The following ACTR8 variants were observed in gnomAD, a reference collection of about 807,000 sequenced individuals.
ACTR8 encodes the protein actin related protein 8.
In ACTR8, 70 loss-of-function variants were observed where a neutral mutation model predicts 84.3. The ratio of observed to expected loss-of-function variants is 0.83; its 90% CI spans 0.68 to 1.01. The LOEUF (loss-of-function observed/expected upper bound fraction) is 1.01, where lower values mean the gene tolerates loss of function less well. Ranked by LOEUF, ACTR8 falls within the 50% of genes least tolerant of loss-of-function variation. The probability of loss-of-function intolerance (pLI) is 0.00; values close to 1 mark genes in which losing one functional copy is unlikely to be tolerated. For missense variants in ACTR8, 672 were observed against 775.4 expected (o/e 0.87, Z 1.58); for synonymous variants, 268 against 275.2 (o/e 0.97, Z 0.26).
the ACTR8 span, chr3:53,860,243 T>G: frequency 6.3e-7 from 1 of 1,580,570 alleles, no homozygotes; most frequent in Non-Finnish European, 8.6e-7. Flanking sequence ...GGGTTATAAT[T>G]CTTTAAAGAC....
downstream of ACTR8, among the ~76,000 whole-genome samples, chr3:53,863,591 G>C (rs1488642052): frequency 6.6e-6 from 1 of 152,140 alleles, no homozygotes; most frequent in Non-Finnish European, 1.5e-5. Context: ...TTTCAAACAT[G>C]GTTTGTTTTA....
intron 5 of ACTR8, 98 bp from the exon 6 acceptor site, chr3:53,876,811 G>T: frequency 3.3e-6 from 2 of 615,036 alleles, no homozygotes; most frequent in South Asian, 4.4e-5. Flanking sequence ...AGGAGTAGCA[G>T]CTACGGTTAC....
At chr3:53,876,520 A>G (rs969780739) in intron 6 of ACTR8, 100 bp downstream of exon 6, 32 of 668,956 alleles carry the variant, frequency 4.8e-5, no homozygotes, top group Admixed American at 9.8e-5. Context: ...CTCTGTCTCA[A>G]ATAAATAAAT....
At chr3:53,860,206 G>GAACT in the ACTR8 span, 1 of 1,613,570 alleles carries the variant, frequency 6.2e-7, no homozygotes, top group Non-Finnish European at 8.5e-7. Context: ...TGGTGGCAGG[G>GAACT]ATCTATCTAA....
At chr3:53,872,292 A>G (rs771598393) in intron 10 of ACTR8, 92 bp downstream of exon 10, 1 of 1,341,234 alleles carries the variant, frequency 7.5e-7, no homozygotes, top group Non-Finnish European at 9.9e-7. Context: ...TTATGCTGGA[A>G]GATAGAACTG....
the ACTR8 span, chr3:53,860,324 C>T: frequency 1.2e-5 from 12 of 961,056 alleles, no homozygotes; most frequent in Admixed American, 1.3e-4. Flanking sequence ...CACATGTTGG[C>T]GTTTCCCAGA....
Position 53,868,881 on chromosome 3 carries a change from C to T in ACTR8, c.1732-19G>A. 2 of 1,611,132 alleles carry T rather than the reference C, an allele frequency of 1.2e-6. No individual in the cohort carries two copies. The highest frequency in any genetic ancestry group is 2.2e-5 in the South Asian group (2 of 90,530). On this transcript the variant is annotated intron_variant, in intron 12 of 12. Coordinates refer to ENST00000335754, the MANE Select transcript of ACTR8 (RefSeq NM_022899.5). ...CCATGTCCTACAGAAGGGATGAAGG[C>T]ATTTCAGCCTAATCACATAAGACAT...
intron 1 of ACTR8, among the ~76,000 whole-genome samples, chr3:53,880,324 C>A (rs1312087232): frequency 6.6e-6 from 1 of 152,152 alleles, no homozygotes; most frequent in African/African-American, 2.4e-5. Flanking sequence ...GTACATAGCT[C>A]AACAAATATT....
downstream of ACTR8, chr3:53,865,033 G>A (rs767317623): frequency 4.8e-5 from 78 of 1,614,092 alleles, no homozygotes; most frequent in South Asian, 1.3e-4. Flanking sequence ...TGGCAAGAGC[G>A]AGGGCAGTCC....
Position 53,875,938 on chromosome 3 carries a change from A to G in ACTR8, c.911+10T>C. 1 of 1,614,196 alleles carries G rather than the reference A, an allele frequency of 6.2e-7. No individual in the cohort carries two copies. Among genetic ancestry groups the G allele is most frequent in the Non-Finnish European group, 8.5e-7 (1 of 1,180,020 alleles). ...AGGAAACAGGGAATGCCACCTTCCA[A>G]GTTCCTTACCGAGTATTCCGATGAG... is the stretch of plus-strand genomic sequence containing the variant. On this transcript the variant is annotated intron_variant, in intron 7 of 12. Transcript: ENST00000335754.
At position 53,882,029 on chromosome 3, in the gene ACTR8, C is replaced by T; in HGVS notation, c.73G>A (p.Gly25Ser). The change falls in exon 1 of 13, where the codon GGC becomes AGC. Residue 25 changes from glycine to serine, a missense_variant. Coordinates refer to ENST00000335754, the MANE Select transcript of ACTR8 (RefSeq NM_022899.5). ...KGGEKEKEQRGVKRPIVPALV... is the reference protein window; with the variant it reads ...KGGEKEKEQRSVKRPIVPALV... The stretch of plus-strand genomic sequence containing the variant: ...GCGGGCACGATGGGCCGCTTCACGC[C>T]GCGCTGCTCCTTCTCCTTCTCGCCG... 6.4e-7 allele frequency: 1 copy of T among 1,551,846 alleles called. No individual in the cohort carries two copies. Among genetic ancestry groups the T allele is most frequent in the Non-Finnish European group, 8.7e-7 (1 of 1,146,990 alleles).
At chr3:53,879,221 G>A (rs1199455341) in intron 2 of ACTR8, among the ~76,000 whole-genome samples, 2 of 152,190 alleles carry the variant, frequency 1.3e-5, no homozygotes, top group Non-Finnish European at 2.9e-5. Context: ...GATAAATAAT[G>A]AAGTGCGGAC....
downstream of ACTR8, among the ~76,000 whole-genome samples, chr3:53,862,098 C>A (rs1699583589): frequency 6.6e-6 from 1 of 152,168 alleles, no homozygotes; most frequent in Non-Finnish European, 1.5e-5. Context: ...TCCACTGATG[C>A]TTTGTCCCTG....
chr3:53,873,745 T>A (rs969757770), intron 8 of ACTR8, among the ~76,000 whole-genome samples: 1 of 152,180 alleles, frequency 6.6e-6, no homozygotes, highest in Non-Finnish European at 1.5e-5. Flanking sequence ...AGCAAAAAAC[T>A]CTCACTCCTT....
Position 53,882,045 on chromosome 3 carries a change from C to T in ACTR8, c.57G>A (p.Lys19=). The change falls in exon 1 of 13, where the codon AAG becomes AAA. Residue 19 remains lysine (K), a synonymous_variant. Coordinates refer to ENST00000335754, the MANE Select transcript of ACTR8 (RefSeq NM_022899.5). ...TENGKEKGGE[K]EKEQRGVKRP... The stretch of plus-strand genomic sequence containing the variant: ...GCTTCACGCCGCGCTGCTCCTTCTC[C>T]TTCTCGCCGCCCTTCTCCTTTCCGT... 1 of 1,551,756 alleles carries T rather than the reference C, an allele frequency of 6.4e-7. No homozygotes were observed. The highest frequency in any genetic ancestry group is 8.7e-7 in the Non-Finnish European group (1 of 1,146,904).
At chr3:53,877,898 G>A (rs982780410) in intron 3 of ACTR8, 147 bp from the exon 4 acceptor site, 2 of 648,114 alleles carry the variant, frequency 3.1e-6, no homozygotes, top group South Asian at 2.0e-5. Context: ...GCTGCAAAAG[G>A]ATTCTCTTGT....
chr3:53,862,998 G>A (rs1343632602), downstream of ACTR8, among the ~76,000 whole-genome samples: 1 of 152,084 alleles, frequency 6.6e-6, no homozygotes, highest in East Asian at 1.9e-4. Flanking sequence ...TTCCTCGTCA[G>A]CCTACTCAAC....
At position 53,870,089 on chromosome 3, in the gene ACTR8, A is replaced by T. The variant is rs760163851; in HGVS notation, c.1624T>A (p.Leu542Met). 1 of 1,614,228 alleles carries T rather than the reference A, an allele frequency of 6.2e-7. No homozygotes were observed. The highest frequency in any genetic ancestry group is 8.5e-7 in the Non-Finnish European group (1 of 1,180,040). Reference sequence around the variant, plus strand: ...AATTCTTGAGCTTTATGAAACATCAAACCACCTCCCACCACTAGGATGGAG... The same window carrying T: ...AATTCTTGAGCTTTATGAAACATCATACCACCTCCCACCACTAGGATGGAG... ...YSSILVVGGG[L>M]MFHKAQEFLQ... Residue 542 changes from leucine to methionine, a missense_variant, in exon 12 of 13, where the codon TTG becomes ATG. Physicochemically the swap from Leu to Met is conservative, Grantham distance 15. Coordinates refer to ENST00000335754, the MANE Select transcript of ACTR8 (RefSeq NM_022899.5). This position sits in a 1 kb window ranked among gnomAD's most constrained non-coding sequence, Gnocchi z 4.1.
At chr3:53,881,175 C>A (rs751548267) in intron 1 of ACTR8, among the ~76,000 whole-genome samples, 3 of 152,164 alleles carry the variant, frequency 2.0e-5, no homozygotes, top group Non-Finnish European at 4.4e-5. Flanking sequence ...CTAGTAGCTG[C>A]CCTACTAGTT....
Sources: gnomAD v4.1 joint callset for allele counts (sites outside exome capture counted in the v4.1 genomes callset) on GRCh38, gnomAD v4.1.1 for gene constraint, Gnocchi (gnomAD v3.1) non-coding constraint, MANE v1.5 for transcripts, NCBI Gene and HGNC (gene_info 2026-07-23, HGNC 2026-07-21) for gene names.